Variants in GTF2H1 observed in about 807,000 individuals in gnomAD.
GTF2H1 encodes the protein general transcription factor IIH subunit 1.
GTF2H1 carries 16 observed loss-of-function variants against 71.2 expected under a neutral mutation model. That is an observed-to-expected ratio of 0.22 (90% CI 0.15 to 0.34). The LOEUF is 0.34. GTF2H1 is among the 10% of genes least tolerant of loss of function. GTF2H1 has a pLI of 1.00. For synonymous variants in GTF2H1, 215 were observed against 219.0 expected (o/e 0.98, Z 0.16); for missense variants, 498 against 648.2 (o/e 0.77, Z 2.52).
intron 13 of GTF2H1, among the ~76,000 whole-genome samples, chr11:18,359,339 GAGACCAGCCTGGACAACAT>G (rs1476041287): frequency 6.6e-6 from 1 of 152,108 alleles, no homozygotes; most frequent in Admixed American, 6.6e-5. Context: ...CCAGGAGTTG[GAGACCAGCCTGGACAACAT>G]AGCAAGACTC....
intron 1 of GTF2H1, among the ~76,000 whole-genome samples, chr11:18,327,495 A>G (rs559215937): frequency 6.6e-6 from 1 of 152,328 alleles, no homozygotes; most frequent in Admixed American, 6.5e-5. Flanking sequence ...CAGTTTCCTT[A>G]TCTACAAAAT....
intron 9 of GTF2H1, among the ~76,000 whole-genome samples, chr11:18,350,233 G>A (rs889640748): frequency 1.3e-5 from 2 of 152,148 alleles, no homozygotes; most frequent in Non-Finnish European, 2.9e-5. Context: ...TACCTTGATG[G>A]AGCTTTCATT....
chr11:18,326,631 A>G (rs1411110280), intron 1 of GTF2H1, among the ~76,000 whole-genome samples: 1 of 152,066 alleles, frequency 6.6e-6, no homozygotes, highest in Admixed American at 6.5e-5. Flanking sequence ...TTCTCAACTC[A>G]TAAAGGTCTT....
Position 18,365,797 on chromosome 11 carries a change from A to G in GTF2H1, c.1575A>G (p.Ile525Met). Reference protein sequence around the residue: ...QYLSTNLVSHIEEMLQTAYNK... With the variant: ...QYLSTNLVSHMEEMLQTAYNK... ...GTGTTTTTCAGTTGGTAAGTCACAT[A>G]GAAGAGATGCTCCAGACAGCCTACA... The change falls in exon 15 of 15, where the codon ATA becomes ATG. Residue 525 changes from isoleucine (I) to methionine (M), a missense_variant. By Grantham distance (10) the Ile-to-Met change is conservative. This residue lies in a region of GTF2H1 where 266 missense variants were observed against 301.6 expected (regional missense o/e 0.88). Coordinates refer to ENST00000265963, the MANE Select transcript of GTF2H1 (RefSeq NM_005316.4). 6.2e-7 allele frequency: 1 copy of G among 1,613,094 alleles called. No homozygotes were observed. Among genetic ancestry groups the G allele is most frequent in the Non-Finnish European group, 8.5e-7 (1 of 1,179,066 alleles).
At chr11:18,361,926 G>A (rs889897685) in intron 14 of GTF2H1, among the ~76,000 whole-genome samples, 2 of 152,186 alleles carry the variant, frequency 1.3e-5, no homozygotes, top group Non-Finnish European at 2.9e-5. Context: ...TTAAAACAAG[G>A]TTAGAGCAAC....
At chr11:18,339,678 C>T (rs771065834) in intron 5 of GTF2H1, 21 bp downstream of exon 5, 25 of 1,346,214 alleles carry the variant, frequency 1.9e-5, no homozygotes, top group Non-Finnish European at 2.4e-5. Context: ...TCAGTTCTTT[C>T]AGATGGTTAA....
At chr11:18,361,682 A>G (rs1045179642) in intron 14 of GTF2H1, among the ~76,000 whole-genome samples, 1 of 152,206 alleles carries the variant, frequency 6.6e-6, no homozygotes, top group African/African-American at 2.4e-5. Flanking sequence ...AAGTTTTACA[A>G]TCTATGTGTA....
At position 18,358,722 on chromosome 11, in the gene GTF2H1, C is replaced by A; in HGVS notation, c.1467+82C>A. ...TTGAAATTGGAAAGTTTTATTGAGT[C>A]TTACCATGTGACAGACACTGGGATA... On this transcript the variant is annotated intron_variant, in intron 13 of 14. Coordinates refer to ENST00000265963, the MANE Select transcript of GTF2H1 (RefSeq NM_005316.4). 3.7e-6 allele frequency: 3 copies of A among 806,960 alleles called. No individual in the cohort carries two copies. In the South Asian group the frequency reaches 4.3e-5, roughly 12 times the overall value. The allele number at this position is 806,960 out of a possible 1,614,324, so 50.0% of individuals were successfully genotyped here. A position where few individuals can be genotyped will look rare whatever the true frequency, so the allele number is the denominator to read the frequency against.
intron 7 of GTF2H1, among the ~76,000 whole-genome samples, chr11:18,344,956 A>G (rs1865252252): frequency 6.6e-6 from 1 of 151,694 alleles, no homozygotes; most frequent in African/African-American, 2.4e-5. Flanking sequence ...CTTTAATCCT[A>G]GCACTTTGGG....
intron 1 of GTF2H1, chr11:18,332,773 G>T: frequency 5.1e-6 from 1 of 197,376 alleles, no homozygotes; most frequent in Non-Finnish European, 1.0e-5. Flanking sequence ...TTTTCAAATT[G>T]TGTGTGTATA....
At chr11:18,353,614 A>AC (rs1170663278) in intron 11 of GTF2H1, among the ~76,000 whole-genome samples, 1 of 152,224 alleles carries the variant, frequency 6.6e-6, no homozygotes, top group African/African-American at 2.4e-5. Flanking sequence ...GTAATCCTTA[A>AC]CTAGTGCAAA....
chr11:18,352,007 C>G, intron 10 of GTF2H1, 38 bp downstream of exon 10: 5 of 990,372 alleles, frequency 5.0e-6, no homozygotes, highest in Non-Finnish European at 8.1e-6. Flanking sequence ...AGCTATGTAA[C>G]AATTCAGTCC....
intron 2 of GTF2H1, 60 bp downstream of exon 2, chr11:18,333,288 A>G (rs553521631): frequency 6.5e-6 from 8 of 1,228,400 alleles, no homozygotes; most frequent in Non-Finnish European, 9.2e-6. Flanking sequence ...GTAATTTTGT[A>G]AAGAGATTAT....
At chr11:18,351,702 C>A in intron 9 of GTF2H1, 179 bp from the exon 10 acceptor site, 1 of 461,138 alleles carries the variant, frequency 2.2e-6, no homozygotes, top group Non-Finnish European at 4.0e-6. Context: ...AACTAGTATT[C>A]TTAAGTAGTT....
chr11:18,364,135 G>T (rs190940621), intron 14 of GTF2H1, among the ~76,000 whole-genome samples: 1 of 151,984 alleles, frequency 6.6e-6, no homozygotes, highest in East Asian at 1.9e-4. Context: ...TGGTGTTCAT[G>T]TCTTCCAATT....
At chr11:18,336,448 T>C (rs1463531909) in intron 3 of GTF2H1, among the ~76,000 whole-genome samples, 1 of 152,126 alleles carries the variant, frequency 6.6e-6, no homozygotes, top group Non-Finnish European at 1.5e-5. Context: ...ACTTTTGCTA[T>C]GATACTGTAA....
At chr11:18,345,587 C>T (rs1865272318) in intron 7 of GTF2H1, among the ~76,000 whole-genome samples, 1 of 151,346 alleles carries the variant, frequency 6.6e-6, no homozygotes, top group Non-Finnish European at 1.5e-5. Flanking sequence ...CAATCTCTGC[C>T]TCCCGAGTTC....
intron 14 of GTF2H1, among the ~76,000 whole-genome samples, chr11:18,365,352 T>C (rs879517514): frequency 1.8e-4 from 27 of 152,134 alleles, no homozygotes; most frequent in Non-Finnish European, 3.4e-4. Flanking sequence ...CACTCCAGCC[T>C]GGGTGACAGA....
intron 11 of GTF2H1, among the ~76,000 whole-genome samples, chr11:18,354,712 G>C (rs1865503086): frequency 6.6e-6 from 1 of 152,078 alleles, no homozygotes; most frequent in Non-Finnish European, 1.5e-5. Context: ...GACATGAAAG[G>C]AAGAGCATTC....
Sources: allele counts gnomAD v4.1 joint callset (sites outside exome capture counted in the v4.1 genomes callset), GRCh38; gene constraint gnomAD v4.1.1; regional missense constraint gnomAD v4.1.1; transcripts MANE v1.5; gene names NCBI Gene and HGNC (gene_info 2026-07-23, HGNC 2026-07-21).